TXLNG: variants seen among roughly 807,000 people sequenced by gnomAD.
TXLNG encodes the protein taxilin gamma.
A neutral mutation model predicts 38.8 loss-of-function variants in TXLNG; 5 were observed. That is an observed-to-expected ratio of 0.13 (90% CI 0.07 to 0.27). The LOEUF (loss-of-function observed/expected upper bound fraction) is 0.27. Ranked by LOEUF, TXLNG falls within the 10% of genes least tolerant of loss-of-function variation. TXLNG has a pLI of 1.00. For synonymous variants in TXLNG, 182 were observed against 158.2 expected (o/e 1.15, Z -1.13); for missense variants, 393 against 398.2 (o/e 0.99, Z 0.11).
chrX:16,821,299 C>G (rs1451005806), intron 3 of TXLNG, among the ~76,000 whole-genome samples: 12 of 108,568 alleles, frequency 1.1e-4, no homozygotes, highest in African/African-American at 3.4e-4. Flanking sequence ...TGCCACCACG[C>G]CTGGCTAATT....
rs922230598 is a variant in TXLNG, at chrX:16,842,200, G to A, written c.*434G>A. 2.8e-5 allele frequency: 3 copies of A among 107,746 alleles called. No individual in the cohort carries two copies. Among genetic ancestry groups the A allele is most frequent in the African/African-American group, 1.1e-4 (3 of 28,548 alleles). 8.9% of individuals were successfully genotyped at this position (107,746 alleles called of 1,213,427 possible). On this transcript the variant is annotated 3_prime_UTR_variant, in exon 10 of 10. Transcript: ENST00000380122. The stretch of plus-strand genomic sequence containing the variant: ...GAAAAACAAAATACCAAGGCGATTA[G>A]TTTTGTCTAATAACCCATTTAAATG...
chrX:16,808,645 G>A (rs986807209), intron 1 of TXLNG, among the ~76,000 whole-genome samples: 9 of 111,390 alleles, frequency 8.1e-5, no homozygotes, highest in African/African-American at 2.9e-4. Flanking sequence ...ATGGCATATG[G>A]TATGTGCTAC....
At chrX:16,800,562 C>CTTT (rs747782846) in intron 1 of TXLNG, among the ~76,000 whole-genome samples, 3 of 68,244 alleles carry the variant, frequency 4.4e-5, no homozygotes, top group African/African-American at 5.6e-5. Flanking sequence ...GAGGAGGAAA[C>CTTT]TTTTTTTTTT....
chrX:16,839,283 C>T (rs1458065962), intron 8 of TXLNG: 1 of 111,596 alleles, frequency 9.0e-6, no homozygotes, highest in Non-Finnish European at 1.9e-5. Context: ...GGAGTCTTAC[C>T]TGAATCATGC....
At chrX:16,798,493 T>C (rs1025181037) in intron 1 of TXLNG, among the ~76,000 whole-genome samples, 8 of 111,470 alleles carry the variant, frequency 7.2e-5, no homozygotes, top group African/African-American at 2.6e-4. Flanking sequence ...ACATGTTCCA[T>C]AGAAAGAGCA....
intron 3 of TXLNG, among the ~76,000 whole-genome samples, chrX:16,826,873 A>G (rs1175953539): frequency 5.6e-5 from 6 of 107,545 alleles, no homozygotes; most frequent in African/African-American, 1.7e-4. Context: ...CCTAGGCTGG[A>G]GTGCAATGGC....
intron 7 of TXLNG, among the ~76,000 whole-genome samples, chrX:16,837,351 G>T (rs1360714174): frequency 1.8e-5 from 2 of 111,893 alleles, no homozygotes; most frequent in Non-Finnish European, 3.8e-5. Context: ...ACATCCTTCA[G>T]GCTGTGTTAT....
intron 7 of TXLNG, among the ~76,000 whole-genome samples, chrX:16,836,603 G>A (rs1205259129): frequency 8.9e-6 from 1 of 112,111 alleles, no homozygotes; most frequent in Non-Finnish European, 1.9e-5. Flanking sequence ...GGGATGGCCC[G>A]TCCCCCTGCT....
At chrX:16,813,284 T>C (rs759195268) in intron 1 of TXLNG, among the ~76,000 whole-genome samples, 6 of 111,011 alleles carry the variant, frequency 5.4e-5, no homozygotes, top group Admixed American at 9.7e-5. Flanking sequence ...AAAATAATAA[T>C]AACAAGTGTT....
chrX:16,812,053 G>C (rs1928540994), intron 1 of TXLNG, among the ~76,000 whole-genome samples: 1 of 107,128 alleles, frequency 9.3e-6, no homozygotes, highest in Non-Finnish European at 1.9e-5. Flanking sequence ...GCCCAGGCTG[G>C]AGTGCAGTGG....
intron 1 of TXLNG, among the ~76,000 whole-genome samples, chrX:16,798,262 C>G (rs758209620): frequency 7.1e-5 from 8 of 112,387 alleles, no homozygotes; most frequent in African/African-American, 2.6e-4. Flanking sequence ...CACCACTGAT[C>G]TCATCAGAAA....
chrX:16,827,966 TTAAA>T, intron 3 of TXLNG, 124 bp from the exon 4 acceptor site: 1 of 545,224 alleles, frequency 1.8e-6, no homozygotes, highest in South Asian at 7.8e-5. Flanking sequence ...ATGAAACAAT[TTAAA>T]TAATATATTA....
At chrX:16,805,217 A>G (rs912367246) in intron 1 of TXLNG, among the ~76,000 whole-genome samples, 2 of 107,860 alleles carry the variant, frequency 1.9e-5, no homozygotes, top group African/African-American at 6.7e-5. Context: ...TCATGAGCTC[A>G]AGCAATCCTC....
At chrX:16,802,792 C>T (rs187720315) in intron 1 of TXLNG, among the ~76,000 whole-genome samples, 17 of 107,146 alleles carry the variant, frequency 1.6e-4, no homozygotes, top group African/African-American at 5.4e-4. Flanking sequence ...GTTTTCTGCT[C>T]GGAGAAGGCC....
rs998980524 is a variant in TXLNG at position 16,843,317 on chromosome X, T to C, written c.*1551T>C. The C allele has an allele frequency of 2.7e-5, 3 of 111,973 alleles. No homozygotes were observed. The highest frequency in any genetic ancestry group is 3.8e-5 in the Non-Finnish European group (2 of 53,197). 9.2% of individuals were successfully genotyped at this position (111,973 alleles called of 1,213,427 possible). On this transcript the variant is annotated 3_prime_UTR_variant, in exon 10 of 10. Coordinates refer to ENST00000380122, the MANE Select transcript of TXLNG (RefSeq NM_018360.3). ...AAAGAATTGAAAATTGTCCAACAGA[T>C]AGATAGATAGGAAACCGCCTGGAGT...
In TXLNG at chrX:16,838,856, C is replaced by T. The variant is rs766222683; in HGVS notation, c.1153-965C>T. On this transcript the variant is annotated intron_variant, in intron 8 of 9. Coordinates refer to ENST00000380122, the MANE Select transcript of TXLNG (RefSeq NM_018360.3). The stretch of plus-strand genomic sequence containing the variant: ...GGACTGGAACACATTCCTCTCTGTC[C>T]GTGGCTGCAGAGATCACCATGGGTC... Among the ~76,000 whole-genome samples, 5 of 111,981 alleles carry T rather than the reference C, an allele frequency of 4.5e-5. No individual in the cohort carries two copies. The East Asian group carries it at 1.1e-3, about 25-fold the overall frequency.
At chrX:16,808,575 C>T (rs769384161) in intron 1 of TXLNG, among the ~76,000 whole-genome samples, 5 of 111,482 alleles carry the variant, frequency 4.5e-5, no homozygotes, top group Admixed American at 9.6e-5. Flanking sequence ...TCTTTGTGTC[C>T]GGCCAGAGAT....
At chrX:16,814,865 C>CT (rs377218099) in intron 1 of TXLNG, among the ~76,000 whole-genome samples, 1 of 112,027 alleles carries the variant, frequency 8.9e-6, no homozygotes, top group African/African-American at 3.2e-5. Flanking sequence ...GAACTGTACA[C>CT]TTTAAGTTAG....
rs1929926102 is a variant in TXLNG, at chrX:16,843,173, C to T, written c.*1407C>T. Reference sequence around the variant, plus strand: ...CCACTGAGCAAAACTATCAGACTGACACTTGTTAAATTGCTTACTGGACTG... The same window carrying T: ...CCACTGAGCAAAACTATCAGACTGATACTTGTTAAATTGCTTACTGGACTG... On this transcript the variant is annotated 3_prime_UTR_variant, in exon 10 of 10. Transcript: ENST00000380122. 8.9e-6 allele frequency: 1 copy of T among 112,509 alleles called. No homozygotes were observed. The highest frequency in any genetic ancestry group is 3.2e-5 in the African/African-American group (1 of 31,012). The allele number at this position is 112,509 out of a possible 1,213,427, so 9.3% of individuals were successfully genotyped here. A position where few individuals can be genotyped will look rare whatever the true frequency, so the allele number is the denominator to read the frequency against.
Sources: gnomAD v4.1 joint callset for allele counts (sites outside exome capture counted in the v4.1 genomes callset) on GRCh38, gnomAD v4.1.1 for gene constraint, MANE v1.5 for transcripts, NCBI Gene and HGNC (gene_info 2026-07-23, HGNC 2026-07-21) for gene names.